Variants in JMJD1C observed in about 807,000 individuals in gnomAD.
JMJD1C encodes the protein jumonji domain containing 1C, also known as jumonji domain-containing protein 1C.
JMJD1C carries 31 observed loss-of-function variants against 245.3 expected under a neutral mutation model. That is an observed-to-expected ratio of 0.13 (90% CI 0.09 to 0.17). JMJD1C has a LOEUF of 0.17. JMJD1C is among the 10% of genes least tolerant of loss of function. The pLI, the probability that JMJD1C is intolerant of heterozygous loss-of-function variation, is 1.00. For missense variants in JMJD1C, 2,691 were observed against 3,000.2 expected (o/e 0.90, Z 2.41); for synonymous variants, 1,057 against 1,017.4 (o/e 1.04, Z -0.74).
rs1846938328 is a variant in JMJD1C, at chr10:63,208,541, T to C, written c.3128A>G (p.Glu1043Gly). The C allele has an allele frequency of 1.2e-6, 2 of 1,614,184 alleles. No individual in the cohort carries two copies. ...TCTGGAATAATTCTCTCTCTCACCCTCAAGTCCCTTGATTTTAGTTGTAAA... is the reference window on the plus strand; with the variant it reads ...TCTGGAATAATTCTCTCTCTCACCCCCAAGTCCCTTGATTTTAGTTGTAAA... ...APFTTKIKGL[E>G]GERENYSRVA... Residue 1043 changes from glutamate (E) to glycine (G), a missense_variant, in exon 10 of 26, where the codon GAG becomes GGG. By Grantham distance (98) the Glu-to-Gly change is moderately conservative (BLOSUM62 -2). Coordinates refer to ENST00000399262, the MANE Select transcript of JMJD1C (RefSeq NM_032776.3).
intron 8 of JMJD1C, among the ~76,000 whole-genome samples, chr10:63,209,852 T>C (rs1024924401): frequency 2.6e-5 from 4 of 152,206 alleles, no homozygotes; most frequent in Non-Finnish European, 5.9e-5. Context: ...CATGACTGAA[T>C]ATAAGGTGAC....
chr10:63,364,966 C>T (rs1032265100), intron 2 of JMJD1C, among the ~76,000 whole-genome samples: 1 of 152,174 alleles, frequency 6.6e-6, no homozygotes, highest in Non-Finnish European at 1.5e-5. Flanking sequence ...CCATTCCCTA[C>T]AGGAGGAATA....
intron 3 of JMJD1C, among the ~76,000 whole-genome samples, chr10:63,261,573 A>G (rs1176119271): frequency 3.3e-5 from 5 of 151,824 alleles, no homozygotes; most frequent in African/African-American, 7.2e-5. Flanking sequence ...AGAAAAAAAA[A>G]GAAGAAGAAG....
intron 1 of JMJD1C, among the ~76,000 whole-genome samples, chr10:63,415,846 A>T (rs1949767642): frequency 6.6e-6 from 1 of 152,192 alleles, no homozygotes; most frequent in Non-Finnish European, 1.5e-5. Context: ...TCAATTCATC[A>T]CTTCATTCTT....
intron 1 of JMJD1C, among the ~76,000 whole-genome samples, chr10:63,454,369 T>C (rs962143546): frequency 2.6e-5 from 4 of 151,604 alleles, no homozygotes; most frequent in Non-Finnish European, 5.9e-5. Flanking sequence ...AAGATTCTCA[T>C]GCCTCAGCCT....
At chr10:63,502,563 G>A (rs1249016624) in intron 1 of JMJD1C, among the ~76,000 whole-genome samples, 1 of 150,232 alleles carries the variant, frequency 6.7e-6, no homozygotes. Flanking sequence ...GTGTGAACCC[G>A]CGAGGCGGAG....
intron 1 of JMJD1C, among the ~76,000 whole-genome samples, chr10:63,393,108 A>G (rs1948211178): frequency 6.6e-6 from 1 of 152,090 alleles, no homozygotes; most frequent in South Asian, 2.1e-4. Context: ...CTCTACAAAA[A>G]ATACAAAAAA....
At chr10:63,455,880 T>C (rs1952377971) in intron 1 of JMJD1C, among the ~76,000 whole-genome samples, 1 of 152,142 alleles carries the variant, frequency 6.6e-6, no homozygotes, top group Non-Finnish European at 1.5e-5. Flanking sequence ...AAATAAATGA[T>C]ATTTTAATTA....
chr10:63,507,084 C>T (rs972066066), intron 1 of JMJD1C, among the ~76,000 whole-genome samples: 1 of 152,174 alleles, frequency 6.6e-6, no homozygotes, highest in African/African-American at 2.4e-5. Context: ...CATGTCTCTT[C>T]AAGGCCTGAT....
In JMJD1C at chr10:63,193,426, A is replaced by G. The variant is rs1389082031; in HGVS notation, c.5781T>C (p.Tyr1927=). 1.9e-6 allele frequency: 3 copies of G among 1,599,292 alleles called. No individual in the cohort carries two copies. The highest frequency in any genetic ancestry group is 1.1e-5 in the South Asian group (1 of 89,180). The change falls in exon 15 of 26, where the codon TAT becomes TAC. Residue 1927 remains tyrosine, a synonymous_variant. Coordinates refer to ENST00000399262, the MANE Select transcript of JMJD1C (RefSeq NM_032776.3). ...LDAMHTLREK[Y]GIKSHCHCTN... is the part of the protein sequence containing the mutation. ...TACAATGACAATGGGATTTAATACC[A>G]TATTTTTCCCTAAGAGTGTGCATGG... is the stretch of plus-strand genomic sequence containing the variant.
intron 2 of JMJD1C, among the ~76,000 whole-genome samples, chr10:63,306,288 C>G (rs1433356059): frequency 2.0e-5 from 3 of 152,120 alleles, no homozygotes; most frequent in Non-Finnish European, 4.4e-5. Flanking sequence ...TGGAGTTTTA[C>G]CATGTTAGCC....
In JMJD1C at chr10:63,282,897, T is replaced by C. The variant is rs1049259170; in HGVS notation, c.334-18133A>G. Among the ~76,000 whole-genome samples, 4 of 152,192 alleles carry C rather than the reference T, an allele frequency of 2.6e-5. No homozygotes were observed. In the South Asian group the frequency reaches 8.3e-4, roughly 31 times the overall value. On this transcript the variant is annotated intron_variant, in intron 2 of 25. Coordinates refer to ENST00000399262, the MANE Select transcript of JMJD1C (RefSeq NM_032776.3). ...ACGCCTGACTAATTCTTTGTATTTT[T>C]AGTAGAGACAGGGTTTTACCGTGTT... is the stretch of plus-strand genomic sequence containing the variant.
intron 2 of JMJD1C, among the ~76,000 whole-genome samples, chr10:63,364,101 G>A (rs552070552): frequency 2.0e-5 from 3 of 152,242 alleles, no homozygotes; most frequent in Admixed American, 6.5e-5. Flanking sequence ...CTGACCTTAG[G>A]TGATCCGCCC....
intron 3 of JMJD1C, chr10:63,222,675 A>G: frequency 6.5e-7 from 1 of 1,537,732 alleles, no homozygotes; most frequent in Non-Finnish European, 9.0e-7. Flanking sequence ...GGAGTGGTGC[A>G]TTCATTTGAT....
At chr10:63,182,744 T>C (rs1186922454) in intron 22 of JMJD1C, among the ~76,000 whole-genome samples, 1 of 152,182 alleles carries the variant, frequency 6.6e-6, no homozygotes, top group East Asian at 1.9e-4. Context: ...AAAGACCCCC[T>C]TCTTCCTCTT....
intron 1 of JMJD1C, among the ~76,000 whole-genome samples, chr10:63,420,725 A>AC (rs1950076193): frequency 6.6e-6 from 1 of 151,224 alleles, no homozygotes; most frequent in South Asian, 2.1e-4. Context: ...AAAAAAAAAA[A>AC]AAAAAAAAAA....
chr10:63,313,856 T>C (rs1442982413), intron 2 of JMJD1C, among the ~76,000 whole-genome samples: 1 of 152,242 alleles, frequency 6.6e-6, no homozygotes, highest in African/African-American at 2.4e-5. Flanking sequence ...ATGTATACAC[T>C]GTGAGGATTT....
intron 2 of JMJD1C, among the ~76,000 whole-genome samples, chr10:63,340,481 G>A (rs1943267507): frequency 6.6e-6 from 1 of 152,164 alleles, no homozygotes; most frequent in African/African-American, 2.4e-5. Flanking sequence ...ATGTCAAAAA[G>A]TCCTTCAGAT....
At chr10:63,279,647 T>C (rs921623196) in intron 2 of JMJD1C, among the ~76,000 whole-genome samples, 6 of 152,188 alleles carry the variant, frequency 3.9e-5, no homozygotes, top group Non-Finnish European at 7.3e-5. Flanking sequence ...CATGTGGCTG[T>C]AGTCCCAGCT....
Sources: gnomAD v4.1 joint callset for allele counts (sites outside exome capture counted in the v4.1 genomes callset) on GRCh38, gnomAD v4.1.1 for gene constraint, MANE v1.5 for transcripts, NCBI Gene and HGNC (gene_info 2026-07-23, HGNC 2026-07-21) for gene names.